CDH20: variants seen among roughly 807,000 people sequenced by gnomAD.
CDH20 encodes cadherin 20.
A neutral mutation model predicts 74.2 loss-of-function variants in CDH20; 29 were observed. The observed-to-expected ratio is 0.39, with a 90% CI of 0.29 to 0.53. The LOEUF is 0.53. Ranked by LOEUF, CDH20 falls within the 20% of genes least tolerant of loss-of-function variation. The pLI is 0.69. For synonymous variants in CDH20, 469 were observed against 405.4 expected (o/e 1.16, Z -1.88); for missense variants, 988 against 1,048.3 (o/e 0.94, Z 0.79).
chr18:61,554,390 A>G lies in CDH20; in HGVS notation c.2101A>G (p.Met701Val). 4 of 1,612,910 alleles carry G rather than the reference A, an allele frequency of 2.5e-6. No homozygotes were observed. The highest frequency in any genetic ancestry group is 3.4e-6 in the Non-Finnish European group (4 of 1,179,718). ...AGAAPKTRQD[M>V]LPEIESLSRY... ...GGCCGCCCCCAAGACGCGGCAGGAC[A>G]TGCTGCCCGAGATCGAGAGCCTCTC... The change falls in exon 12 of 12, where the codon ATG becomes GTG. Residue 701 changes from methionine (M) to valine (V), a missense_variant. Coordinates refer to ENST00000262717, the MANE Select transcript of CDH20 (RefSeq NM_031891.4).
chr18:61,451,992 C>A (rs1909403710), intron 1 of CDH20, among the ~76,000 whole-genome samples: 1 of 152,018 alleles, frequency 6.6e-6, no homozygotes, highest in South Asian at 2.1e-4. Flanking sequence ...GTCTTAGTAC[C>A]ACAATGATTC....
chr18:61,366,154 A>G (rs1910853538), intron 1 of CDH20, among the ~76,000 whole-genome samples: 1 of 152,096 alleles, frequency 6.6e-6, no homozygotes, highest in African/African-American at 2.4e-5. Flanking sequence ...TCTAAAACTG[A>G]CCTCCTAAAT....
intron 9 of CDH20, among the ~76,000 whole-genome samples, chr18:61,541,198 A>G (rs1913022567): frequency 6.6e-6 from 1 of 152,148 alleles, no homozygotes; most frequent in South Asian, 2.1e-4. Context: ...GGGAAGATGC[A>G]AAAATAGTAT....
rs544963437 is a variant in CDH20, at chr18:61,443,878, A to C, written c.-152-46524A>C. On this transcript the variant is annotated intron_variant, in intron 1 of 11. Transcript: ENST00000262717. ...TGGGGACAGAAAGGGAAAAGGAGAG[A>C]GTACAACACTGGTAGGGATCTGGGA... Among the ~76,000 whole-genome samples the C allele has an allele frequency of 1.4e-4, 22 of 152,182 alleles. No homozygotes were observed. In the South Asian group the frequency reaches 2.9e-3, roughly 20 times the overall value.
chr18:61,365,784 G>T (rs552941769), intron 1 of CDH20, among the ~76,000 whole-genome samples: 1 of 152,242 alleles, frequency 6.6e-6, no homozygotes, highest in East Asian at 1.9e-4. Flanking sequence ...CTACAAACTT[G>T]TAAGCTACTG....
At chr18:61,391,886 A>C (rs186668573) in intron 1 of CDH20, among the ~76,000 whole-genome samples, 5 of 152,202 alleles carry the variant, frequency 3.3e-5, no homozygotes, top group African/African-American at 1.2e-4. Context: ...TTCTACCTCA[A>C]TATTTCTTGA....
chr18:61,431,228 ACAAACC>A (rs1420491716), intron 1 of CDH20, among the ~76,000 whole-genome samples: 3 of 152,178 alleles, frequency 2.0e-5, no homozygotes, highest in Non-Finnish European at 2.9e-5. Context: ...AAAACATCAG[ACAAACC>A]CAAATTGAAG....
At chr18:61,505,656 C>G (rs1252334206) in intron 5 of CDH20, among the ~76,000 whole-genome samples, 1 of 152,154 alleles carries the variant, frequency 6.6e-6, no homozygotes, top group Non-Finnish European at 1.5e-5. Context: ...ATCTTAATAC[C>G]ATTCTAAAGC....
intron 1 of CDH20, among the ~76,000 whole-genome samples, chr18:61,352,355 C>A (rs559555644): frequency 2.8e-4 from 42 of 152,290 alleles, no homozygotes; most frequent in African/African-American, 9.4e-4. Context: ...GCACTCAGAA[C>A]TTCAGATCAC....
intron 1 of CDH20, among the ~76,000 whole-genome samples, chr18:61,352,668 A>T (rs1460168518): frequency 6.6e-6 from 1 of 152,220 alleles, no homozygotes; most frequent in Non-Finnish European, 1.5e-5. Flanking sequence ...GCTGGACCAC[A>T]TTGGCAAATA....
rs149039744 is a variant in CDH20 at position 61,536,501 on chromosome 18, T to C, written c.1280T>C (p.Ile427Thr). The C allele has an allele frequency of 1.9e-5, 30 of 1,613,596 alleles. No homozygotes were observed. The highest frequency in any genetic ancestry group is 2.4e-5 in the Non-Finnish European group (28 of 1,179,676). ...DVTNNSIRYS[I>T]DRSSDPGRFF... ...AATCCATGTTTCTGCAGATACTCCA[T>C]TGATAGAAGCAGTGACCCTGGAAGA... is the stretch of plus-strand genomic sequence containing the variant. The change falls in exon 8 of 12, where the codon ATT becomes ACT. Residue 427 changes from isoleucine to threonine, a missense_variant. Ile to Thr is a moderately conservative substitution (Grantham distance 89). This residue lies in a region of CDH20 where 613 missense variants were observed against 755.2 expected (regional missense o/e 0.81). Transcript: ENST00000262717.
At chr18:61,339,681 ATTTTTTTTTTTTTTT>A (rs898945778) in intron 1 of CDH20, among the ~76,000 whole-genome samples, 1 of 88,418 alleles carries the variant, frequency 1.1e-5, no homozygotes, top group Non-Finnish European at 2.1e-5. Flanking sequence ...GGTCATAGAA[ATTTTTTTTTTTTTTT>A]TTTTTTTTTG....
At chr18:61,379,897 A>T (rs1394524285) in intron 1 of CDH20, among the ~76,000 whole-genome samples, 1 of 152,212 alleles carries the variant, frequency 6.6e-6, no homozygotes, top group African/African-American at 2.4e-5. Flanking sequence ...TAACCATTCA[A>T]AATTAGACTT....
At chr18:61,370,165 G>C (rs1454671872) in intron 1 of CDH20, among the ~76,000 whole-genome samples, 1 of 152,026 alleles carries the variant, frequency 6.6e-6, no homozygotes, top group East Asian at 1.9e-4. Context: ...AAACTTCATG[G>C]GGTGCTTTTT....
chr18:61,405,472 G>GCTA (rs1912301483), intron 1 of CDH20, among the ~76,000 whole-genome samples: 1 of 152,136 alleles, frequency 6.6e-6, no homozygotes, highest in Admixed American at 6.5e-5. Flanking sequence ...GGTAGGCCAA[G>GCTA]CTACTCCAGG....
At chr18:61,408,820 T>C (rs908294168) in intron 1 of CDH20, among the ~76,000 whole-genome samples, 2 of 152,178 alleles carry the variant, frequency 1.3e-5, no homozygotes, top group African/African-American at 4.8e-5. Context: ...CACCACCTTT[T>C]TACTCAAAAA....
intron 1 of CDH20, among the ~76,000 whole-genome samples, chr18:61,341,741 C>G (rs1011266843): frequency 6.6e-6 from 1 of 152,056 alleles, no homozygotes; most frequent in Admixed American, 6.5e-5. Flanking sequence ...GCAAGATCTC[C>G]CAAGGATGTT....
At position 61,414,465 on chromosome 18, in the gene CDH20, A is replaced by G. The variant is rs142762597; in HGVS notation, c.-152-75937A>G. 4.1e-3 allele frequency among the ~76,000 whole-genome samples: 620 copies of G among 152,274 alleles called. 3 individuals are homozygous for G. The highest frequency in any genetic ancestry group is 0.014 in the African/African-American group (563 of 41,578). Reference sequence around the variant, plus strand: ...CGTCATCATTTTCTAGTTTAATTAGATTTTTTATAGATATTAATTGAAAAC... The same window carrying G: ...CGTCATCATTTTCTAGTTTAATTAGGTTTTTTATAGATATTAATTGAAAAC... On this transcript the variant is annotated intron_variant, in intron 1 of 11. Coordinates refer to ENST00000262717, the MANE Select transcript of CDH20 (RefSeq NM_031891.4).
intron 10 of CDH20, among the ~76,000 whole-genome samples, chr18:61,545,751 G>A (rs993148638): frequency 1.3e-5 from 2 of 152,142 alleles, no homozygotes; most frequent in Non-Finnish European, 2.9e-5. Context: ...GGATAATAGA[G>A]ATAACAAAGA....
Sources: gnomAD v4.1 joint callset for allele counts (sites outside exome capture counted in the v4.1 genomes callset) on GRCh38, gnomAD v4.1.1 for gene constraint, gnomAD v4.1.1 regional missense constraint, MANE v1.5 for transcripts, NCBI Gene and HGNC (gene_info 2026-07-23, HGNC 2026-07-21) for gene names.